Variants in TMEM230 observed in about 807,000 individuals in gnomAD.
The protein encoded by TMEM230 is UPF0414 transmembrane protein C20orf30.
TMEM230 carries 10 observed loss-of-function variants against 15.8 expected under a neutral mutation model. That is an observed-to-expected ratio of 0.63 (90% CI 0.39 to 1.07). The LOEUF (loss-of-function observed/expected upper bound fraction) is 1.07. Ranked by LOEUF, TMEM230 falls within the 50% of genes least tolerant of loss-of-function variation. The pLI, the probability that TMEM230 is intolerant of heterozygous loss-of-function variation, is 0.01. For missense variants in TMEM230, 165 were observed against 193.3 expected, an observed-to-expected ratio of 0.85 and a Z score of 0.87; for synonymous variants, 67 against 76.9, an observed-to-expected ratio of 0.87 and a Z score of 0.68.
chr20:5,088,930 T>G (rs1028572787), intron 3 of TMEM230, among the ~76,000 whole-genome samples: 1 of 152,194 alleles, frequency 6.6e-6, no homozygotes, highest in African/African-American at 2.4e-5. Context: ...GAACTTAGTA[T>G]AATAGATTTT....
At chr20:5,095,335 A>G (rs2089635285), downstream of TMEM230, among the ~76,000 whole-genome samples, 1 of 152,134 alleles carries the variant, frequency 6.6e-6, no homozygotes, top group Non-Finnish European at 1.5e-5. Context: ...CCTGCCTCTC[A>G]CTGGGTCATA....
chr20:5,094,899 G>A (rs1600351486), downstream of TMEM230, among the ~76,000 whole-genome samples: 5 of 151,986 alleles, frequency 3.3e-5, no homozygotes, highest in Middle Eastern at 0.017. Context: ...TGGTCTTACT[G>A]CCCAGGTTCC....
At chr20:5,078,701 C>T (rs1217309034) in intron 3 of TMEM230, among the ~76,000 whole-genome samples, 4 of 152,202 alleles carry the variant, frequency 2.6e-5, no homozygotes, top group Non-Finnish European at 5.9e-5. Flanking sequence ...CACATTTCCT[C>T]GCCAAGGCAA....
At chr20:5,098,973 A>C (rs925931389), downstream of TMEM230, among the ~76,000 whole-genome samples, 4 of 152,070 alleles carry the variant, frequency 2.6e-5, no homozygotes, top group Admixed American at 2.6e-4. Flanking sequence ...CCAAATGTTT[A>C]CTTTTCACTT....
intron 3 of TMEM230, 46 bp downstream of exon 2, chr20:5,109,286 A>G (rs757472080): frequency 6.0e-6 from 9 of 1,502,818 alleles, no homozygotes; most frequent in Middle Eastern, 2.3e-4. Context: ...TGCTAACTTA[A>G]CAGAAACACA....
At chr20:5,089,143 A>G (rs261347) in intron 3 of TMEM230, among the ~76,000 whole-genome samples, 152,153 of 152,318 alleles carry the variant, frequency 1, 75,996 homozygotes, top group Middle Eastern at 1. Flanking sequence ...GCAGGGCCGA[A>G]GCAGGCAGAT....
chr20:5,068,024 C>T (rs1289375260), downstream of TMEM230: 3 of 152,190 alleles, frequency 2.0e-5, no homozygotes, highest in African/African-American at 4.8e-5. Flanking sequence ...CCTTAGCCTC[C>T]CAAAGTGCTG....
At chr20:5,111,855 T>C in intron 1 of TMEM230, 1 of 928,492 alleles carries the variant, frequency 1.1e-6, no homozygotes, top group Non-Finnish European at 1.3e-6. Flanking sequence ...TTTGGTGTTT[T>C]CTTTTTTTTG....
intron 3 of TMEM230, among the ~76,000 whole-genome samples, chr20:5,092,874 G>A (rs576833501): frequency 9.3e-4 from 141 of 152,258 alleles, no homozygotes; most frequent in South Asian, 1.9e-3. Flanking sequence ...ATGTACCTTG[G>A]AATTTACCTT....
chr20:5,092,211 G>A (rs909171178), intron 3 of TMEM230, among the ~76,000 whole-genome samples: 2 of 152,154 alleles, frequency 1.3e-5, no homozygotes, highest in African/African-American at 4.8e-5. Context: ...CTTGCTGGAG[G>A]TGGGGAGATG....
intron 3 of TMEM230, among the ~76,000 whole-genome samples, chr20:5,086,110 T>C (rs1184804870): frequency 2.0e-5 from 3 of 152,052 alleles, no homozygotes; most frequent in Non-Finnish European, 4.4e-5. Context: ...GGTTTTAATA[T>C]GCAGCTGGGT....
exon 4 of TMEM230, chr20:5,069,290 G>A (rs1427104829): frequency 1.3e-6 from 2 of 1,535,888 alleles, no homozygotes; most frequent in East Asian, 2.4e-5. Context: ...TGTACCCACG[G>A]GATGCTGGTA....
At chr20:5,099,195 T>A, downstream of TMEM230, among the ~76,000 whole-genome samples, 1 of 64,398 alleles carries the variant, frequency 1.6e-5, no homozygotes. Context: ...TGTCTCAAAA[T>A]AAATAAATAA....
At chr20:5,079,546 G>A (rs571791767) in intron 3 of TMEM230, among the ~76,000 whole-genome samples, 1 of 152,124 alleles carries the variant, frequency 6.6e-6, no homozygotes, top group Non-Finnish European at 1.5e-5. Flanking sequence ...GGAGTGCAAT[G>A]GCACAATCAT....
At chr20:5,084,369 G>A (rs1441067805) in intron 3 of TMEM230, among the ~76,000 whole-genome samples, 12 of 151,264 alleles carry the variant, frequency 7.9e-5, no homozygotes, top group South Asian at 2.1e-4. Flanking sequence ...GACTACAGGC[G>A]TACGCCACCA....
At chr20:5,084,263 A>C (rs1322644458) in intron 3 of TMEM230, among the ~76,000 whole-genome samples, 1 of 147,744 alleles carries the variant, frequency 6.8e-6, no homozygotes, top group Non-Finnish European at 1.5e-5. Flanking sequence ...TTGCTCTCTC[A>C]CCCAGGCTGG....
downstream of TMEM230, chr20:5,068,370 T>G (rs1421947202): frequency 6.6e-6 from 1 of 152,092 alleles, no homozygotes; most frequent in Non-Finnish European, 1.5e-5. Context: ...ATATCCGAGA[T>G]TAGGTAATTT....
intron 4 of TMEM230, among the ~76,000 whole-genome samples, chr20:5,105,629 G>A (rs1005970992): frequency 1.3e-5 from 2 of 152,104 alleles, no homozygotes. Context: ...AATGATGAAT[G>A]CTTGAGGGGA....
chr20:5,108,591 T>A (rs1177057080), intron 3 of TMEM230, among the ~76,000 whole-genome samples: 1 of 152,228 alleles, frequency 6.6e-6, no homozygotes, highest in Non-Finnish European at 1.5e-5. Flanking sequence ...CCTAAGTGGC[T>A]GGAAGCTTCC....
Sources: gnomAD v4.1 joint callset for allele counts (sites outside exome capture counted in the v4.1 genomes callset) on GRCh38, gnomAD v4.1.1 for gene constraint, MANE v1.5 for transcripts, NCBI Gene and HGNC (gene_info 2026-07-23, HGNC 2026-07-21) for gene names.